Variants in RNF111 observed in about 807,000 individuals in gnomAD.
The protein encoded by RNF111 is E3 ubiquitin-protein ligase Arkadia.
A neutral mutation model predicts 95.1 loss-of-function variants in RNF111; 17 were observed. The observed-to-expected ratio is 0.18, with a 90% confidence interval of 0.12 to 0.27. The LOEUF (loss-of-function observed/expected upper bound fraction) is 0.27, where lower values mean the gene tolerates loss of function less well. Among genes scored for constraint, RNF111 ranks in the 10% least tolerant of loss-of-function variants. The pLI, the probability that RNF111 is intolerant of heterozygous loss-of-function variation, is 1.00. For synonymous variants in RNF111, 440 were observed against 414.8 expected (o/e 1.06, Z -0.74); for missense variants, 1,189 against 1,210.4 (o/e 0.98, Z 0.26).
At chr15:59,076,674 A>C (rs550632909) in intron 7 of RNF111, among the ~76,000 whole-genome samples, 1 of 152,360 alleles carries the variant, frequency 6.6e-6, no homozygotes, top group South Asian at 2.1e-4. Context: ...AGCCTAGGCA[A>C]CATAGTGAGA....
At chr15:59,073,855 T>C (rs186285021) in intron 6 of RNF111, among the ~76,000 whole-genome samples, 212 of 152,340 alleles carry the variant, frequency 1.4e-3, no homozygotes, top group African/African-American at 4.5e-3. Flanking sequence ...AATGTATTTC[T>C]TTAATAGTAA....
At position 59,025,945 on chromosome 15, in the gene RNF111, G is replaced by C. The variant is rs8025439; in HGVS notation, c.-19-4859G>C. On this transcript the variant is annotated intron_variant, in intron 1 of 13. Coordinates refer to ENST00000348370, the MANE Select transcript of RNF111 (RefSeq NM_017610.8). ...GGTTTTTTCCATGTTGGTCAGGCTG[G>C]TCTCGAACTCCCAACCTCAGGTGAT... Among the ~76,000 whole-genome samples, 1,271 of 151,944 alleles carry C rather than the reference G, an allele frequency of 8.4e-3. 17 individuals carry two copies. Among genetic ancestry groups the C allele is most frequent in the African/African-American group, 0.029 (1,214 of 41,464 alleles).
chr15:59,010,043 A>G (rs1319150899), intron 1 of RNF111, among the ~76,000 whole-genome samples: 2 of 152,160 alleles, frequency 1.3e-5, no homozygotes, highest in Non-Finnish European at 2.9e-5. Context: ...TTTATATGCA[A>G]TTTTTTTTTA....
chr15:59,051,791 A>G (rs200981148), intron 2 of RNF111, among the ~76,000 whole-genome samples: 16 of 97,386 alleles, frequency 1.6e-4, no homozygotes, highest in African/African-American at 4.3e-4. Context: ...ATAAATAAAT[A>G]AATAAATAAA....
chr15:59,073,581 G>T lies in RNF111; in HGVS notation c.1687-2373G>T, dbSNP rs77397955. Among the ~76,000 whole-genome samples, 614 of 152,194 alleles carry T rather than the reference G, an allele frequency of 4.0e-3. 6 individuals carry two copies. Among genetic ancestry groups the T allele is most frequent in the African/African-American group, 0.014 (583 of 41,510 alleles). ...TTACGGCAATTCAATCACATCTTCA[G>T]GTTCCAACTTCTTATTCTAGTTCTC... On this transcript the variant is annotated intron_variant, in intron 6 of 13. Coordinates refer to ENST00000348370, the MANE Select transcript of RNF111 (RefSeq NM_017610.8).
chr15:59,022,964 T>G (rs985563148), intron 1 of RNF111, among the ~76,000 whole-genome samples: 1 of 152,152 alleles, frequency 6.6e-6, no homozygotes, highest in Non-Finnish European at 1.5e-5. Flanking sequence ...GTGAGGAAAT[T>G]GGCTGGGCGC....
At chr15:59,027,551 CAG>C (rs1393174282) in intron 1 of RNF111, among the ~76,000 whole-genome samples, 2 of 150,182 alleles carry the variant, frequency 1.3e-5, no homozygotes, top group Admixed American at 1.3e-4. Flanking sequence ...TTTTGGGAGA[CAG>C]AGTCTTGCTC....
At position 59,071,231 on chromosome 15, in the gene RNF111, G is replaced by A. The variant is rs997161680; in HGVS notation, c.1686+4148G>A. On this transcript the variant is annotated intron_variant, in intron 6 of 13. Coordinates refer to ENST00000348370, the MANE Select transcript of RNF111 (RefSeq NM_017610.8). ...GAGAATGGGCCTGAACCCGGGAGGC[G>A]GAGCTTGCAGTGAGCCGAGATTGCA... 9.3e-5 allele frequency among the ~76,000 whole-genome samples: 14 copies of A among 151,056 alleles called. No individual in the cohort carries two copies. In the East Asian group the frequency reaches 2.1e-3, roughly 23 times the overall value.
At chr15:59,080,532 C>T (rs899192811) in intron 7 of RNF111, among the ~76,000 whole-genome samples, 2 of 152,128 alleles carry the variant, frequency 1.3e-5, no homozygotes, top group Admixed American at 6.5e-5. Flanking sequence ...CAACTACTTA[C>T]AGGAATTTAT....
chr15:59,096,157 G>A lies in RNF111; in HGVS notation c.*1257G>A. The A allele has an allele frequency of 5.0e-6, 2 of 398,104 alleles. No individual in the cohort carries two copies. The highest frequency in any genetic ancestry group is 8.9e-6 in the Non-Finnish European group (2 of 225,542). 24.7% of individuals were successfully genotyped at this position (398,104 alleles called of 1,614,324 possible). ...TGCATAATATAGAATATAAAGTTAA[G>A]TTAACATACTAACATTTCTCCTTTG... On this transcript the variant is annotated 3_prime_UTR_variant, in exon 14 of 14. Transcript: ENST00000348370.
rs1314577711 is a variant in RNF111 at position 59,085,643 on chromosome 15, C to G, written c.2424-16C>G. On this transcript the variant is annotated splice_polypyrimidine_tract_variant and intron_variant, in intron 9 of 13. Transcript: ENST00000348370. ...AGACCCTAAGGAGGATTAAACTGTT[C>G]TCATCCTTTCGTTAGGGAACTGGGA... 1 of 1,611,670 alleles carries G rather than the reference C, an allele frequency of 6.2e-7. No individual in the cohort carries two copies. Among genetic ancestry groups the G allele is most frequent in the African/African-American group, 1.3e-5 (1 of 74,902 alleles).
At chr15:59,069,391 T>G (rs1431961922) in intron 6 of RNF111, among the ~76,000 whole-genome samples, 1 of 152,324 alleles carries the variant, frequency 6.6e-6, no homozygotes, top group African/African-American at 2.4e-5. Flanking sequence ...CTACCAGCTT[T>G]TCCTACATTC....
intron 7 of RNF111, 94 bp downstream of exon 7, chr15:59,076,309 A>G (rs2043164063): frequency 7.8e-6 from 11 of 1,405,056 alleles, no homozygotes; most frequent in Non-Finnish European, 1.1e-5. Context: ...CAGTTCTTAA[A>G]TTTTTAGTAT....
intron 9 of RNF111, among the ~76,000 whole-genome samples, chr15:59,085,021 C>T (rs1175018472): frequency 6.6e-6 from 1 of 152,168 alleles, no homozygotes; most frequent in Non-Finnish European, 1.5e-5. Context: ...CTGCCTTCTC[C>T]TAGACTTGTG....
chr15:59,028,794 T>TC (rs56172115), intron 1 of RNF111, among the ~76,000 whole-genome samples: 1 of 151,654 alleles, frequency 6.6e-6, no homozygotes, highest in Non-Finnish European at 1.5e-5. Flanking sequence ...TTTTTTTTTT[T>TC]CTTGAGATAG....
intron 10 of RNF111, among the ~76,000 whole-genome samples, chr15:59,089,449 T>A (rs2078988592): frequency 6.6e-6 from 1 of 152,236 alleles, no homozygotes. Flanking sequence ...ACTAAGAGCC[T>A]CAGGCTTAAG....
In RNF111 at chr15:59,055,746, C is replaced by T. The variant is rs201034758; in HGVS notation, c.1072C>T (p.Arg358Trp). ...WSQGSSSHAS[R>W]PQEPRNRSRI... ...CCAGGGTTCCAGTTCTCATGCAAGT[C>T]GGCCACAGGAGCCACGGAACCGCAG... The change falls in exon 4 of 14, where the codon CGG becomes TGG. Residue 358 changes from arginine to tryptophan, a missense_variant. Coordinates refer to ENST00000348370, the MANE Select transcript of RNF111 (RefSeq NM_017610.8). The T allele has an allele frequency of 1.9e-4, 309 of 1,613,820 alleles. 1 individual carries two copies. Among genetic ancestry groups the T allele is most frequent in the Non-Finnish European group, 2.4e-4 (282 of 1,179,850 alleles).
At chr15:59,074,028 A>T (rs2043059908) in intron 6 of RNF111, among the ~76,000 whole-genome samples, 1 of 152,168 alleles carries the variant, frequency 6.6e-6, no homozygotes, top group Non-Finnish European at 1.5e-5. Flanking sequence ...AAAAGGTCTC[A>T]CTTTTGCCAA....
rs1185518168 is a variant in RNF111, at chr15:59,080,816, A to T, written c.1949-120A>T. 3.8e-6 allele frequency: 3 copies of T among 780,996 alleles called. No individual in the cohort carries two copies. In the East Asian group the frequency reaches 8.2e-5, roughly 21 times the overall value. 48.4% of individuals were successfully genotyped at this position (780,996 alleles called of 1,614,324 possible). A position where few individuals can be genotyped will look rare whatever the true frequency, so the allele number is the denominator to read the frequency against. ...AGCAGTTGCTTGAATACTTTACTTG[A>T]TAAAGTATTCATAAAAATAAAATAC... On this transcript the variant is annotated intron_variant, in intron 7 of 13. Transcript: ENST00000348370.
Sources: gnomAD v4.1 joint callset for allele counts (sites outside exome capture counted in the v4.1 genomes callset) on GRCh38, gnomAD v4.1.1 for gene constraint, MANE v1.5 for transcripts, NCBI Gene and HGNC (gene_info 2026-07-23, HGNC 2026-07-21) for gene names.